The following SBNO1 variants were observed in gnomAD, a reference collection of about 807,000 sequenced individuals.
The protein encoded by SBNO1 is protein strawberry notch homolog 1.
In SBNO1, 23 loss-of-function variants were observed where a neutral mutation model predicts 173.6. That is an observed-to-expected ratio of 0.13 (90% CI 0.10 to 0.19). The LOEUF is 0.19. Among genes scored for constraint, SBNO1 ranks in the 10% least tolerant of loss-of-function variants. The probability of loss-of-function intolerance (pLI) is 1.00; values close to 1 mark genes in which losing one functional copy is unlikely to be tolerated. For synonymous variants in SBNO1, 632 were observed against 571.5 expected, an observed-to-expected ratio of 1.11 and a Z score of -1.51; for missense variants, 1,238 against 1,671.2, an observed-to-expected ratio of 0.74 and a Z score of 4.52.
chr12:123,292,404 A>T lies in SBNO1; in HGVS notation c.*3504T>A, dbSNP rs770135850. 6 of 152,178 alleles carry T rather than the reference A, an allele frequency of 3.9e-5. No homozygotes were observed. Among genetic ancestry groups the T allele is most frequent in the Non-Finnish European group, 7.3e-5 (5 of 68,044 alleles). 9.4% of individuals were successfully genotyped at this position (152,178 alleles called of 1,614,324 possible). On this transcript the variant is annotated 3_prime_UTR_variant, in exon 32 of 32. Transcript: ENST00000602398. Reference sequence around the variant, plus strand: ...GAAGTGAGATGCAACAATCATTTCCAATCTATTTTTTTATCTCATGCTAAA... The same window carrying T: ...GAAGTGAGATGCAACAATCATTTCCTATCTATTTTTTTATCTCATGCTAAA...
chr12:123,329,645 T>C (rs1870985065), intron 9 of SBNO1, among the ~76,000 whole-genome samples: 1 of 152,098 alleles, frequency 6.6e-6, no homozygotes, highest in South Asian at 2.1e-4. Context: ...CTGAATTGTA[T>C]ACAGTCATTC....
intron 30 of SBNO1, among the ~76,000 whole-genome samples, chr12:123,300,727 C>T (rs529212684): frequency 2.0e-5 from 3 of 151,590 alleles, no homozygotes; most frequent in South Asian, 2.1e-4. Context: ...TTTGGGAGGC[C>T]GTGGTGGGCA....
At chr12:123,299,410 G>A (rs777922957) in intron 30 of SBNO1, among the ~76,000 whole-genome samples, 20 of 151,940 alleles carry the variant, frequency 1.3e-4, no homozygotes, top group Non-Finnish European at 2.2e-4. Context: ...GGCTGGGCAC[G>A]ATGGCTCACG....
At chr12:123,333,635 T>C (rs2139013282) in intron 7 of SBNO1, among the ~76,000 whole-genome samples, 1 of 151,996 alleles carries the variant, frequency 6.6e-6, no homozygotes, top group African/African-American at 2.4e-5. Flanking sequence ...AAACTGGGAC[T>C]ACAGGTGCGT....
chr12:123,337,848 C>T (rs1872035231), intron 5 of SBNO1, among the ~76,000 whole-genome samples: 1 of 152,186 alleles, frequency 6.6e-6, no homozygotes, highest in Non-Finnish European at 1.5e-5. Flanking sequence ...TTAAGATAAG[C>T]AGCCTCCTTT....
intron 1 of SBNO1, among the ~76,000 whole-genome samples, chr12:123,351,917 TA>T (rs1276329378): frequency 6.6e-6 from 1 of 151,188 alleles, no homozygotes; most frequent in Non-Finnish European, 1.5e-5. Context: ...CAAGAGAAAA[TA>T]AAAAATAAAC....
intron 13 of SBNO1, 62 bp from the exon 14 acceptor site, chr12:123,326,396 C>A: frequency 1.9e-6 from 2 of 1,071,940 alleles, no homozygotes; most frequent in Non-Finnish European, 1.3e-6. Flanking sequence ...TTAAAAATAC[C>A]AATTAAATCA....
rs1868462297 is a variant in SBNO1 at position 123,311,266 on chromosome 12, A to G, written c.3221-137T>C. 12 of 652,714 alleles carry G rather than the reference A, an allele frequency of 1.8e-5. No individual in the cohort carries two copies. The South Asian group carries it at 2.0e-4, about 11-fold the overall frequency. 40.4% of individuals were successfully genotyped at this position (652,714 alleles called of 1,614,324 possible). ...TTGATATTTATATAAACATGGAGAAAATGTGGAGAGAACTGCCCTTGTTCA... is the reference window on the plus strand; with the variant it reads ...TTGATATTTATATAAACATGGAGAAGATGTGGAGAGAACTGCCCTTGTTCA... On this transcript the variant is annotated intron_variant, in intron 24 of 31. Transcript: ENST00000602398.
chr12:123,297,207 T>C (rs2048628204), intron 31 of SBNO1, among the ~76,000 whole-genome samples: 1 of 148,146 alleles, frequency 6.8e-6, no homozygotes, highest in Non-Finnish European at 1.5e-5. Flanking sequence ...TAAAAAAATA[T>C]AAAAATTAGC....
intron 6 of SBNO1, 117 bp downstream of exon 6, chr12:123,336,276 TAA>T (rs1409528796): frequency 2.9e-5 from 20 of 698,124 alleles, no homozygotes; most frequent in East Asian, 2.8e-5. Context: ...GTTTTGGTTT[TAA>T]AAGACTTTGA....
In SBNO1 at chr12:123,293,768, A is replaced by T. The variant is rs2048544675; in HGVS notation, c.*2140T>A. 1 of 152,216 alleles carries T rather than the reference A, an allele frequency of 6.6e-6. No homozygotes were observed. Among genetic ancestry groups the T allele is most frequent in the Non-Finnish European group, 1.5e-5 (1 of 68,040 alleles). 9.4% of individuals were successfully genotyped at this position (152,216 alleles called of 1,614,324 possible). A position where few individuals can be genotyped will look rare whatever the true frequency, so the allele number is the denominator to read the frequency against. On this transcript the variant is annotated 3_prime_UTR_variant, in exon 32 of 32. Coordinates refer to ENST00000602398, the MANE Select transcript of SBNO1 (RefSeq NM_001167856.3). ...TCATATGCTGCTTTGAAAACGCCAT[A>T]AAAAACTAAGATGCCCTCATACACA...
chr12:123,330,054 T>G (rs1447601041), intron 9 of SBNO1, among the ~76,000 whole-genome samples: 2 of 152,206 alleles, frequency 1.3e-5, no homozygotes, highest in African/African-American at 4.8e-5. Flanking sequence ...TGACCTATAG[T>G]GCAAGGTATG....
At chr12:123,358,753 AAAAAAAAAAAAAAAG>A (rs1398680981) in intron 1 of SBNO1, among the ~76,000 whole-genome samples, 16 of 140,552 alleles carry the variant, frequency 1.1e-4, no homozygotes, top group East Asian at 4.0e-4. Context: ...AAAAAAAAAA[AAAAAAAAAAAAAAAG>A]AAGAAGAAAA....
At chr12:123,341,290 A>T (rs1477642849) in intron 4 of SBNO1, among the ~76,000 whole-genome samples, 4 of 151,974 alleles carry the variant, frequency 2.6e-5, no homozygotes, top group Non-Finnish European at 5.9e-5. Context: ...CTCTACTAAA[A>T]ATACAGAAAC....
rs2048966310 is a variant in SBNO1 at position 123,308,133 on chromosome 12, T to C, written c.3630+1177A>G. Among the ~76,000 whole-genome samples, 4 of 152,136 alleles carry C rather than the reference T, an allele frequency of 2.6e-5. 1 individual carries two copies. The South Asian group carries it at 8.3e-4, about 32-fold the overall frequency. Reference sequence around the variant, plus strand: ...TCTTAGAGAACTGGCGAAATAAAATTTCTGTTGTCTTGGATCTGAGTAAGT... The same window carrying C: ...TCTTAGAGAACTGGCGAAATAAAATCTCTGTTGTCTTGGATCTGAGTAAGT... On this transcript the variant is annotated intron_variant, in intron 28 of 31. Transcript: ENST00000602398.
intron 1 of SBNO1, among the ~76,000 whole-genome samples, chr12:123,352,859 G>A (rs527559218): frequency 7.9e-5 from 12 of 152,240 alleles, no homozygotes; most frequent in African/African-American, 2.4e-4. Context: ...GTGCAGTGGC[G>A]CGATCTCGGC....
Position 123,364,253 on chromosome 12 carries a change from G to A in SBNO1, c.-1+448C>T, listed in dbSNP as rs1875808521. ...TCCCTCGCCCAGAGCCGGGAGCAAT[G>A]CTGGGGCACGAAAGAGGACTTGGGA... On this transcript the variant is annotated intron_variant, in intron 1 of 31. Transcript: ENST00000602398. 4.1e-6 allele frequency: 4 copies of A among 985,522 alleles called. No individual in the cohort carries two copies. In the South Asian group the frequency reaches 1.4e-4, roughly 35 times the overall value. 61.0% of individuals were successfully genotyped at this position (985,522 alleles called of 1,614,324 possible).
At chr12:123,311,485 T>C (rs1868495465) in intron 24 of SBNO1, among the ~76,000 whole-genome samples, 1 of 151,958 alleles carries the variant, frequency 6.6e-6, no homozygotes, top group Admixed American at 6.6e-5. Context: ...GCAATTCTCC[T>C]GCCTCAGTCT....
rs777280037 is a variant in SBNO1, at chr12:123,320,716, G to A, written c.2474C>T (p.Ala825Val). Residue 825 changes from alanine to valine, a missense_variant, in exon 18 of 32, where the codon GCT becomes GTT. Around this residue, in one of 14 missense-constraint regions of SBNO1, gnomAD observed 74 missense variants for 68.5 expected, o/e 1.08. Transcript: ENST00000602398. ...SFSSTPVISP[A>V]PNSTPANSNT... ...ATGGATACCTGGTGTACTGTTAGGA[G>A]CAGGTGAGATAACTGGTGTAGATGA... 1.9e-6 allele frequency: 3 copies of A among 1,608,752 alleles called. No homozygotes were observed. Among genetic ancestry groups the A allele is most frequent in the Non-Finnish European group, 1.7e-6 (2 of 1,178,648 alleles).
Sources: allele counts gnomAD v4.1 joint callset (sites outside exome capture counted in the v4.1 genomes callset), GRCh38; gene constraint gnomAD v4.1.1; regional missense constraint gnomAD v4.1.1; transcripts MANE v1.5; gene names NCBI Gene and HGNC (gene_info 2026-07-23, HGNC 2026-07-21).